AKAP13: variants seen among roughly 807,000 people sequenced by gnomAD.
AKAP13 encodes A-kinase anchor protein 13.
In AKAP13, 80 loss-of-function variants were observed where a neutral mutation model predicts 264.5. The observed-to-expected ratio is 0.30, with a 90% CI of 0.25 to 0.36. The LOEUF (loss-of-function observed/expected upper bound fraction) is 0.36, where lower values mean the gene tolerates loss of function less well. Ranked by LOEUF, AKAP13 falls within the 10% of genes least tolerant of loss-of-function variation. AKAP13 has a pLI of 1.00. For missense variants in AKAP13, 3,712 were observed against 3,435.2 expected, an observed-to-expected ratio of 1.08 and a Z score of -2.01; for synonymous variants, 1,380 against 1,250.2, an observed-to-expected ratio of 1.10 and a Z score of -2.19.
intron 26 of AKAP13, among the ~76,000 whole-genome samples, chr15:85,725,431 A>T (rs1356811810): frequency 1.3e-5 from 2 of 150,320 alleles, no homozygotes; most frequent in African/African-American, 2.4e-5. Flanking sequence ...AGTAAACTTT[A>T]AAAAAAAAAC....
chr15:85,389,411 T>C (rs1322520946), intron 1 of AKAP13, among the ~76,000 whole-genome samples: 1 of 152,234 alleles, frequency 6.6e-6, no homozygotes, highest in Non-Finnish European at 1.5e-5. Flanking sequence ...CCCTTCTCTT[T>C]GGGACTGCAG....
At position 85,689,009 on chromosome 15, in the gene AKAP13, C is replaced by T. The variant is rs1213662568; in HGVS notation, c.5289+4136C>T. Among the ~76,000 whole-genome samples the T allele has an allele frequency of 2.8e-4, 42 of 152,202 alleles. 1 individual carries two copies. Among genetic ancestry groups the T allele is most frequent in the Admixed American group, 2.7e-3 (42 of 15,286 alleles). ...GTGGAATGACCCTCTTCAAACCATC[C>T]TATCACACTGGTTTTCTTTTTTCTA... On this transcript the variant is annotated intron_variant, in intron 16 of 36. Coordinates refer to ENST00000394518, the MANE Select transcript of AKAP13 (RefSeq NM_007200.5).
At chr15:85,662,324 A>C (rs2083391800) in intron 12 of AKAP13, 1,269 of 1,558,986 alleles carry the variant, frequency 8.1e-4, no homozygotes, top group Non-Finnish European at 1.0e-3. Flanking sequence ...TAAACCTAAT[A>C]ACCCCATTCC....
At chr15:85,605,159 C>T (rs11634177) in intron 8 of AKAP13, among the ~76,000 whole-genome samples, 31,217 of 152,154 alleles carry the variant, frequency 0.21, 4,226 homozygotes, top group Middle Eastern at 0.42. Context: ...ACATACATCC[C>T]GTTATTTTTT....
chr15:85,500,023 T>A (rs933549245), intron 2 of AKAP13, among the ~76,000 whole-genome samples: 10 of 152,228 alleles, frequency 6.6e-5, no homozygotes, highest in Admixed American at 1.3e-4. Context: ...GGGTGTTGCC[T>A]CATACATGGA....
At chr15:85,423,381 T>A (rs988917576) in intron 1 of AKAP13, among the ~76,000 whole-genome samples, 7 of 152,226 alleles carry the variant, frequency 4.6e-5, no homozygotes, top group Admixed American at 3.9e-4. Flanking sequence ...GTAAATCCTT[T>A]GTTGTCATTT....
Position 85,574,306 on chromosome 15 carries a change from A to G in AKAP13, c.663-825A>G, listed in dbSNP as rs929052037. On this transcript the variant is annotated intron_variant, in intron 5 of 36. Transcript: ENST00000394518. ...ATTCTTTCATCTGCTGCAAAAAAGC[A>G]CAGTGCAGATTATGTGTGGTATCAC... is the stretch of plus-strand genomic sequence containing the variant. Among the ~76,000 whole-genome samples the G allele has an allele frequency of 3.3e-5, 5 of 152,214 alleles. 1 individual carries two copies. Among genetic ancestry groups the G allele is most frequent in the Admixed American group, 3.3e-4 (5 of 15,288 alleles).
chr15:85,474,666 A>G (rs935859418), intron 1 of AKAP13, among the ~76,000 whole-genome samples: 2 of 152,218 alleles, frequency 1.3e-5, no homozygotes, highest in Non-Finnish European at 2.9e-5. Flanking sequence ...GACATATACA[A>G]GTTTTTAATT....
At chr15:85,401,762 A>G (rs78026773) in intron 1 of AKAP13, among the ~76,000 whole-genome samples, 39 of 152,216 alleles carry the variant, frequency 2.6e-4, no homozygotes, top group Non-Finnish European at 5.3e-4. Flanking sequence ...GGGATAAACA[A>G]TTAGCTTGGT....
intron 2 of AKAP13, among the ~76,000 whole-genome samples, chr15:85,512,846 T>C (rs2076480379): frequency 6.6e-6 from 1 of 151,736 alleles, no homozygotes. Context: ...TGTATGTATG[T>C]ATGTATGTAT....
rs755621702 is a variant in AKAP13 at position 85,682,232 on chromosome 15, C to T, written c.5156+20C>T. 1.2e-6 allele frequency: 2 copies of T among 1,608,760 alleles called. No individual in the cohort carries two copies. Among genetic ancestry groups the T allele is most frequent in the Admixed American group, 3.4e-5 (2 of 59,640 alleles). ...TGAGAGGTACTATAAATTTGTTACT[C>T]CTTTTTCCAGAAATAAAATGAAGAA... On this transcript the variant is annotated intron_variant, in intron 15 of 36. Transcript: ENST00000394518.
At chr15:85,628,930 C>T (rs936675070) in intron 8 of AKAP13, among the ~76,000 whole-genome samples, 8 of 152,162 alleles carry the variant, frequency 5.3e-5, no homozygotes, top group Non-Finnish European at 7.4e-5. Flanking sequence ...CAGTGGCTCG[C>T]GGCTGCAATC....
intron 8 of AKAP13, among the ~76,000 whole-genome samples, chr15:85,630,413 A>T (rs1207591958): frequency 3.3e-5 from 5 of 152,208 alleles, no homozygotes; most frequent in Non-Finnish European, 7.3e-5. Context: ...ATCTCTATTA[A>T]TTACAGCATG....
intron 6 of AKAP13, chr15:85,577,715 T>A (rs2079062839): frequency 1.3e-6 from 1 of 787,930 alleles, no homozygotes; most frequent in Non-Finnish European, 1.5e-6. Context: ...TATATAGGTA[T>A]ATGTTCTCAT....
chr15:85,434,383 G>A (rs1334589617), intron 1 of AKAP13, among the ~76,000 whole-genome samples: 4 of 152,146 alleles, frequency 2.6e-5, no homozygotes, highest in African/African-American at 4.8e-5. Context: ...AGGCGGCAGC[G>A]AGGCTGGGGG....
At chr15:85,539,142 T>C (rs1467273160) in intron 4 of AKAP13, among the ~76,000 whole-genome samples, 2 of 152,172 alleles carry the variant, frequency 1.3e-5, no homozygotes, top group South Asian at 2.1e-4. Flanking sequence ...TGTTTGTGTA[T>C]TTTTTCAGCT....
At chr15:85,399,539 TAAA>T (rs2071321028) in intron 1 of AKAP13, among the ~76,000 whole-genome samples, 1 of 87,854 alleles carries the variant, frequency 1.1e-5, no homozygotes, top group Non-Finnish European at 2.4e-5. Context: ...AATAAAAAAA[TAAA>T]TAAATAAATA....
At chr15:85,502,721 G>A (rs1331877122) in intron 2 of AKAP13, among the ~76,000 whole-genome samples, 1 of 152,172 alleles carries the variant, frequency 6.6e-6, no homozygotes, top group Non-Finnish European at 1.5e-5. Context: ...TGATACTCAT[G>A]TAACTATTCG....
chr15:85,628,642 T>G (rs1053706513), intron 8 of AKAP13, among the ~76,000 whole-genome samples: 1 of 151,528 alleles, frequency 6.6e-6, no homozygotes, highest in Admixed American at 6.6e-5. Flanking sequence ...ATTCTAGTAA[T>G]TGACAGAGCC....
Sources: gnomAD v4.1 joint callset for allele counts (sites outside exome capture counted in the v4.1 genomes callset) on GRCh38, gnomAD v4.1.1 for gene constraint, MANE v1.5 for transcripts, NCBI Gene and HGNC (gene_info 2026-07-23, HGNC 2026-07-21) for gene names.